The following GPC6 variants were observed in gnomAD, a reference collection of about 807,000 sequenced individuals.
GPC6 encodes glypican-6.
In GPC6, 14 loss-of-function variants were observed where a neutral mutation model predicts 55.2. The ratio of observed to expected loss-of-function variants is 0.25; its 90% CI spans 0.17 to 0.40. GPC6 has a LOEUF of 0.40. Ranked by LOEUF, GPC6 falls within the 10% of genes least tolerant of loss-of-function variation. GPC6 has a pLI of 1.00. For missense variants in GPC6, 641 were observed against 708.5 expected, an observed-to-expected ratio of 0.90 and a Z score of 1.08; for synonymous variants, 278 against 259.6, an observed-to-expected ratio of 1.07 and a Z score of -0.68.
rs189355219 is a variant in GPC6, at chr13:93,322,467, G to A, written c.160+94851G>A. On this transcript the variant is annotated intron_variant, in intron 1 of 8. Coordinates refer to ENST00000377047, the MANE Select transcript of GPC6 (RefSeq NM_005708.5). The stretch of plus-strand genomic sequence containing the variant: ...TTTTTTTTTTTTGAGATGGAGTTTC[G>A]CTCTTGTTGCCCAGGCTGGAGTGCA... Among the ~76,000 whole-genome samples the A allele has an allele frequency of 2.3e-3, 228 of 100,914 alleles. 1 individual carries two copies. The highest frequency in any genetic ancestry group is 9.0e-3 in the African/African-American group (213 of 23,686). The allele number at this position is 100,914 out of a possible 152,430, so 66.2% of individuals were successfully genotyped here. A position where few individuals can be genotyped will look rare whatever the true frequency, so the allele number is the denominator to read the frequency against.
intron 7 of GPC6, among the ~76,000 whole-genome samples, chr13:94,395,819 A>C (rs1880868787): frequency 6.6e-6 from 1 of 152,244 alleles, no homozygotes. Flanking sequence ...CCAGGCCTGT[A>C]GAGGGCCAGA....
intron 7 of GPC6, among the ~76,000 whole-genome samples, chr13:94,386,135 G>A (rs980627053): frequency 1.3e-5 from 2 of 151,058 alleles, no homozygotes; most frequent in African/African-American, 2.4e-5. Context: ...CAAGGCGGGC[G>A]GATGATGAGG....
intron 4 of GPC6, among the ~76,000 whole-genome samples, chr13:94,111,676 A>G (rs939822245): frequency 6.6e-6 from 1 of 152,024 alleles, no homozygotes; most frequent in Non-Finnish European, 1.5e-5. Context: ...ATATAGAATC[A>G]TTATAGCACT....
At chr13:93,264,287 A>G (rs576591041) in intron 1 of GPC6, among the ~76,000 whole-genome samples, 51 of 152,352 alleles carry the variant, frequency 3.3e-4, no homozygotes, top group African/African-American at 1.2e-3. Flanking sequence ...CTCGGTATCC[A>G]TAGGGAATTG....
intron 3 of GPC6, among the ~76,000 whole-genome samples, chr13:94,003,560 TG>T (rs1481336063): frequency 6.6e-6 from 1 of 152,224 alleles, no homozygotes; most frequent in Non-Finnish European, 1.5e-5. Flanking sequence ...AGACCTTTTT[TG>T]TTAAATCAAT....
intron 4 of GPC6, among the ~76,000 whole-genome samples, chr13:94,242,424 G>C (rs1026069786): frequency 6.6e-6 from 1 of 151,956 alleles, no homozygotes; most frequent in Admixed American, 6.6e-5. Flanking sequence ...AAATCATGCT[G>C]CTATAAAGAC....
At chr13:94,374,750 G>A (rs1354740295) in intron 6 of GPC6, among the ~76,000 whole-genome samples, 1 of 142,422 alleles carries the variant, frequency 7.0e-6, no homozygotes, top group African/African-American at 2.7e-5. Context: ...CAAATCAACA[G>A]AATATACATT....
intron 1 of GPC6, among the ~76,000 whole-genome samples, chr13:93,254,829 T>TA (rs1224379919): frequency 2.0e-5 from 3 of 152,158 alleles, no homozygotes; most frequent in East Asian, 3.9e-4. Context: ...GTAGCAGCTG[T>TA]AAAAAAAGCA....
intron 4 of GPC6, among the ~76,000 whole-genome samples, chr13:94,108,178 A>T (rs1484494641): frequency 6.6e-6 from 1 of 152,216 alleles, no homozygotes; most frequent in African/African-American, 2.4e-5. Context: ...AAACTGTGGT[A>T]TATATGTATA....
At chr13:93,722,437 G>A (rs1445001131) in intron 2 of GPC6, among the ~76,000 whole-genome samples, 2 of 151,764 alleles carry the variant, frequency 1.3e-5, no homozygotes, top group East Asian at 1.9e-4. Context: ...TTAAAGGAAC[G>A]AAGTGTATGT....
chr13:93,914,430 G>A (rs1402167992), intron 3 of GPC6, among the ~76,000 whole-genome samples: 1 of 152,132 alleles, frequency 6.6e-6, no homozygotes, highest in African/African-American at 2.4e-5. Context: ...GTATTCCATA[G>A]TGTATATGTG....
intron 4 of GPC6, among the ~76,000 whole-genome samples, chr13:94,271,364 ACACGCGCG>A (rs1022323037): frequency 1.1e-5 from 1 of 91,784 alleles, no homozygotes; most frequent in Non-Finnish European, 2.2e-5. Context: ...ATACACACAC[ACACGCGCG>A]CGCGCGCGCG....
chr13:93,302,574 G>C (rs1878719579), intron 1 of GPC6, among the ~76,000 whole-genome samples: 1 of 152,220 alleles, frequency 6.6e-6, no homozygotes, highest in Non-Finnish European at 1.5e-5. Flanking sequence ...GAGGGGAGTT[G>C]TGATTTCCTT....
intron 1 of GPC6, among the ~76,000 whole-genome samples, chr13:93,453,356 T>G (rs751239484): frequency 1.3e-5 from 2 of 152,080 alleles, no homozygotes; most frequent in African/African-American, 4.8e-5. Context: ...AAGTTGAAAT[T>G]AGAACATTGA....
At chr13:93,350,958 C>T (rs775372598) in intron 1 of GPC6, among the ~76,000 whole-genome samples, 6 of 151,922 alleles carry the variant, frequency 3.9e-5, no homozygotes, top group African/African-American at 4.8e-5. Flanking sequence ...TTCACAGAGG[C>T]ACAGGTATAT....
intron 2 of GPC6, among the ~76,000 whole-genome samples, chr13:93,618,963 A>G (rs1878839479): frequency 6.6e-6 from 1 of 152,132 alleles, no homozygotes; most frequent in South Asian, 2.1e-4. Context: ...GGTATGGCCT[A>G]TTGCTCTTAG....
rs192415231 is a variant in GPC6, at chr13:93,401,540, G to A, written c.161-143723G>A. On this transcript the variant is annotated intron_variant, in intron 1 of 8. Coordinates refer to ENST00000377047, the MANE Select transcript of GPC6 (RefSeq NM_005708.5). ...TTAGGTTGCACTAAAAAAAAAAAGC[G>A]ATATTGTTTCAGACACTAGGATCTA... is the stretch of plus-strand genomic sequence containing the variant. Among the ~76,000 whole-genome samples the A allele has an allele frequency of 6.3e-3, 945 of 149,344 alleles. 5 individuals carry two copies. Among genetic ancestry groups the A allele is most frequent in the Non-Finnish European group, 0.01 (678 of 67,022 alleles).
chr13:93,361,026 C>T (rs548688049), intron 1 of GPC6, among the ~76,000 whole-genome samples: 10 of 152,032 alleles, frequency 6.6e-5, no homozygotes, highest in Non-Finnish European at 1.0e-4. Flanking sequence ...ATCTGCAAAA[C>T]GCACCCCTCT....
chr13:94,083,395 G>GGA (rs1885175912), intron 4 of GPC6, among the ~76,000 whole-genome samples: 1 of 152,208 alleles, frequency 6.6e-6, no homozygotes, highest in Non-Finnish European at 1.5e-5. Flanking sequence ...TGGGATTACA[G>GGA]GCATGAGCCA....
Sources: gnomAD v4.1 joint callset for allele counts (sites outside exome capture counted in the v4.1 genomes callset) on GRCh38, gnomAD v4.1.1 for gene constraint, MANE v1.5 for transcripts, NCBI Gene and HGNC (gene_info 2026-07-23, HGNC 2026-07-21) for gene names.